PTPRD: variants seen among roughly 807,000 people sequenced by gnomAD.
PTPRD encodes the protein receptor-type tyrosine-protein phosphatase delta.
Under a neutral mutation model 214.5 loss-of-function variants are expected in PTPRD, and 34 were observed. The ratio of observed to expected loss-of-function variants is 0.16; its 90% confidence interval spans 0.12 to 0.21. The LOEUF (loss-of-function observed/expected upper bound fraction) is 0.21. PTPRD is among the 10% of genes least tolerant of loss of function. The probability of loss-of-function intolerance (pLI) is 1.00; values close to 1 mark genes in which losing one functional copy is unlikely to be tolerated. For synonymous variants in PTPRD, 1,128 were observed against 845.7 expected, an observed-to-expected ratio of 1.33 and a Z score of -5.79; for missense variants, 2,545 against 2,398.7, an observed-to-expected ratio of 1.06 and a Z score of -1.27.
At chr9:10,212,265 G>C (rs1232279533) in intron 3 of PTPRD, among the ~76,000 whole-genome samples, 1 of 152,000 alleles carries the variant, frequency 6.6e-6, no homozygotes, top group Non-Finnish European at 1.5e-5. Flanking sequence ...ATGGAAGAAG[G>C]AGACCATAAA....
In PTPRD at chr9:8,437,099, T is replaced by C. The variant is rs111750947; in HGVS notation, c.3989-410A>G. ...TTGTGTGGAATTAAATGGTGTAAAG[T>C]GAAATAAGAAAACAGACACTGAGAA... is the stretch of plus-strand genomic sequence containing the variant. On this transcript the variant is annotated intron_variant, in intron 34 of 45. Transcript: ENST00000381196. 2.4e-5 allele frequency: 20 copies of C among 829,226 alleles called. No individual in the cohort carries two copies. The African/African-American group carries it at 2.9e-4, about 12-fold the overall frequency. The allele number at this position is 829,226 out of a possible 1,614,324, so 51.4% of individuals were successfully genotyped here. A position where few individuals can be genotyped will look rare whatever the true frequency, so the allele number is the denominator to read the frequency against.
chr9:10,506,112 A>G (rs1203956001), intron 2 of PTPRD, among the ~76,000 whole-genome samples: 7 of 152,162 alleles, frequency 4.6e-5, no homozygotes, highest in African/African-American at 1.7e-4. Flanking sequence ...TTTCTAATAC[A>G]TATTTCATAG....
At chr9:9,404,808 G>A (rs111597510) in intron 8 of PTPRD, among the ~76,000 whole-genome samples, 154 of 152,116 alleles carry the variant, frequency 1.0e-3, no homozygotes, top group African/African-American at 3.0e-3. Flanking sequence ...CCAGAGCCCC[G>A]AGAAGTCCTG....
intron 2 of PTPRD, among the ~76,000 whole-genome samples, chr9:10,357,469 G>A (rs1172506196): frequency 6.6e-6 from 1 of 152,160 alleles, no homozygotes; most frequent in African/African-American, 2.4e-5. Context: ...TCTGTTCAGT[G>A]CCAGTAAAAT....
At chr9:9,336,725 G>A (rs2044646177) in intron 9 of PTPRD, among the ~76,000 whole-genome samples, 1 of 152,030 alleles carries the variant, frequency 6.6e-6, no homozygotes, top group African/African-American at 2.4e-5. Flanking sequence ...TACCTTATAT[G>A]TGCCTGTCAA....
intron 3 of PTPRD, among the ~76,000 whole-genome samples, chr9:10,153,021 G>C (rs970388176): frequency 6.6e-6 from 1 of 152,182 alleles, no homozygotes; most frequent in African/African-American, 2.4e-5. Flanking sequence ...TGATGGGTGA[G>C]GAATGGGGAG....
intron 8 of PTPRD, among the ~76,000 whole-genome samples, chr9:9,515,417 C>G (rs1225409790): frequency 2.0e-5 from 3 of 152,032 alleles, no homozygotes; most frequent in Admixed American, 1.3e-4. Context: ...ATGAGGATAA[C>G]TAATTTACAT....
At chr9:8,502,602 C>G (rs1479960215) in intron 23 of PTPRD, among the ~76,000 whole-genome samples, 1 of 151,968 alleles carries the variant, frequency 6.6e-6, no homozygotes, top group Non-Finnish European at 1.5e-5. Flanking sequence ...TCTTATATCT[C>G]AAATTATAAA....
chr9:10,578,592 T>A (rs541163208), intron 2 of PTPRD, among the ~76,000 whole-genome samples: 2 of 152,298 alleles, frequency 1.3e-5, no homozygotes, highest in Non-Finnish European at 2.9e-5. Context: ...TAAAAAAGAT[T>A]GACCAATAAC....
Position 9,253,842 on chromosome 9 carries a change from C to A in PTPRD, c.-202-70479G>T, listed in dbSNP as rs539313804. On this transcript the variant is annotated intron_variant, in intron 9 of 45. Transcript: ENST00000381196. ...CAGCAGAAGTTTATTCTCTTCTGTT[C>A]CAGAGGCCAGAAGTCTGAAATCAAG... 3.9e-5 allele frequency among the ~76,000 whole-genome samples: 6 copies of A among 152,208 alleles called. No individual in the cohort carries two copies. In the East Asian group the frequency reaches 1.2e-3, roughly 30 times the overall value.
At chr9:10,416,327 C>G (rs111267709) in intron 2 of PTPRD, among the ~76,000 whole-genome samples, 42 of 151,984 alleles carry the variant, frequency 2.8e-4, no homozygotes, top group Middle Eastern at 3.4e-3. Context: ...CCATTGCACT[C>G]CAGCCTGGGC....
chr9:9,529,028 T>C (rs1372729158), intron 8 of PTPRD, among the ~76,000 whole-genome samples: 2 of 150,484 alleles, frequency 1.3e-5, no homozygotes, highest in Non-Finnish European at 3.0e-5. Flanking sequence ...AACCTCTGCC[T>C]CCTGGGTTCA....
At chr9:9,371,771 C>T (rs1322021833) in intron 9 of PTPRD, among the ~76,000 whole-genome samples, 2 of 152,152 alleles carry the variant, frequency 1.3e-5, no homozygotes, top group Non-Finnish European at 2.9e-5. Flanking sequence ...TTTCCCTCTA[C>T]ACACTGCTTT....
At chr9:8,689,390 CT>C (rs1455385092) in intron 12 of PTPRD, among the ~76,000 whole-genome samples, 1 of 152,104 alleles carries the variant, frequency 6.6e-6, no homozygotes. Context: ...TTTTACACTG[CT>C]GATGAAGACA....
At chr9:8,543,971 A>G (rs1231138488) in intron 14 of PTPRD, among the ~76,000 whole-genome samples, 1 of 152,054 alleles carries the variant, frequency 6.6e-6, no homozygotes, top group African/African-American at 2.4e-5. Flanking sequence ...CAGCCTCCCA[A>G]AATGTTGAGG....
At chr9:9,651,825 TG>T (rs1415377811) in intron 7 of PTPRD, among the ~76,000 whole-genome samples, 39 of 136,902 alleles carry the variant, frequency 2.8e-4, no homozygotes, top group African/African-American at 1.1e-3. Flanking sequence ...ATTCAAGGTT[TG>T]TTTTTTTTTT....
intron 11 of PTPRD, among the ~76,000 whole-genome samples, chr9:8,754,954 G>T (rs932620260): frequency 2.0e-5 from 3 of 152,038 alleles, no homozygotes; most frequent in Middle Eastern, 3.4e-3. Context: ...ATATGAAAAA[G>T]GACTGAACAA....
chr9:10,154,797 T>G (rs550117944), intron 3 of PTPRD, among the ~76,000 whole-genome samples: 1 of 152,104 alleles, frequency 6.6e-6, no homozygotes, highest in African/African-American at 2.4e-5. Flanking sequence ...TACTGTTTCA[T>G]TGGTCTATAT....
At chr9:8,513,780 G>A (rs1375692375) in intron 21 of PTPRD, among the ~76,000 whole-genome samples, 1 of 152,014 alleles carries the variant, frequency 6.6e-6, no homozygotes, top group African/African-American at 2.4e-5. Flanking sequence ...TTTTTGGTAG[G>A]TGTCCACTAA....
Sources: allele counts gnomAD v4.1 joint callset (sites outside exome capture counted in the v4.1 genomes callset), GRCh38; gene constraint gnomAD v4.1.1; transcripts MANE v1.5; gene names NCBI Gene and HGNC (gene_info 2026-07-23, HGNC 2026-07-21).